The following IL3RA variants were observed in gnomAD, a reference collection of about 807,000 sequenced individuals.
IL3RA encodes the protein interleukin-3 receptor subunit alpha.
Under a neutral mutation model 52.3 loss-of-function variants are expected in IL3RA, and 73 were observed. That is an observed-to-expected ratio of 1.40 (90% confidence interval 1.16 to 1.70). The LOEUF (loss-of-function observed/expected upper bound fraction) is 1.70. IL3RA is among the 40% of genes most tolerant of loss of function. The pLI is 0.00. For missense variants in IL3RA, 664 were observed against 504.4 expected (o/e 1.32, Z -3.03); for synonymous variants, 260 against 194.0 (o/e 1.34, Z -2.83).
In IL3RA at chrX:1,348,526, G is replaced by C. The variant is rs1458270418; in HGVS notation, c.279G>C (p.Trp93Cys). 6 of 1,613,212 alleles carry C rather than the reference G, an allele frequency of 3.7e-6. No individual in the cohort carries two copies. Among genetic ancestry groups the C allele is most frequent in the South Asian group, 1.1e-5 (1 of 91,054 alleles). ...TGGCCAACCCACCATTCTCCACGTG[G>C]ATCCTCTTCCCTGAGAACAGTGAGA... ...VRVANPPFSTWILFPENSGKP... is the reference protein window; with the variant it reads ...VRVANPPFSTCILFPENSGKP... Residue 93 changes from tryptophan (W) to cysteine (C), a missense_variant, in exon 4 of 12, where the codon TGG becomes TGC. Coordinates refer to ENST00000331035, the MANE Select transcript of IL3RA (RefSeq NM_002183.4).
chrX:1,361,153 C>T (rs1172617544), intron 8 of IL3RA, among the ~76,000 whole-genome samples: 8 of 138,552 alleles, frequency 5.8e-5, no homozygotes, highest in Non-Finnish European at 1.1e-4. Context: ...CTCTCTCTCC[C>T]TTTCCTTCTC....
At chrX:1,342,493 T>A (rs1321216446) in intron 2 of IL3RA, among the ~76,000 whole-genome samples, 5 of 151,738 alleles carry the variant, frequency 3.3e-5, no homozygotes, top group Non-Finnish European at 7.4e-5. Flanking sequence ...TTACAGTCTA[T>A]TACTGCAGGG....
chrX:1,340,973 C>T (rs1371466872), intron 1 of IL3RA, among the ~76,000 whole-genome samples: 18 of 151,986 alleles, frequency 1.2e-4, no homozygotes, highest in Non-Finnish European at 2.1e-4. Flanking sequence ...AAAAATTAGC[C>T]GGACATGGTG....
chrX:1,361,753 G>C (rs1461696170), intron 8 of IL3RA, among the ~76,000 whole-genome samples: 8 of 58,886 alleles, frequency 1.4e-4, no homozygotes, highest in South Asian at 7.4e-4. Flanking sequence ...ACTCCGTCTC[G>C]AGAAAAAAAA....
At chrX:1,361,350 A>G (rs188885833) in intron 8 of IL3RA, among the ~76,000 whole-genome samples, 1 of 151,378 alleles carries the variant, frequency 6.6e-6, no homozygotes, top group African/African-American at 2.5e-5. Context: ...TTTATAAACA[A>G]AAGAGGGTTC....
intron 3 of IL3RA, 112 bp from the exon 4 acceptor site, chrX:1,348,319 C>T (rs2085867310): frequency 9.6e-6 from 8 of 833,336 alleles, no homozygotes; most frequent in African/African-American, 6.6e-5. Context: ...CGCCACTGCA[C>T]TCCAGCGTGG....
intron 8 of IL3RA, among the ~76,000 whole-genome samples, chrX:1,359,634 C>G (rs1407055863): frequency 6.7e-6 from 1 of 148,618 alleles, no homozygotes; most frequent in Non-Finnish European, 1.5e-5. Flanking sequence ...CCTTCCCTCT[C>G]TCTATCTTTC....
At chrX:1,349,220 CCA>C (rs1449201545) in intron 4 of IL3RA, among the ~76,000 whole-genome samples, 3 of 148,606 alleles carry the variant, frequency 2.0e-5, no homozygotes, top group Non-Finnish European at 4.4e-5. Flanking sequence ...CTCACTCTGT[CCA>C]CCAGGCTGGA....
chrX:1,376,696 G>GC (rs2088760678), intron 9 of IL3RA, among the ~76,000 whole-genome samples: 1 of 143,514 alleles, frequency 7.0e-6, no homozygotes, highest in African/African-American at 2.7e-5. Context: ...AACCAGCCCT[G>GC]CCCACACCTG....
At position 1,381,466 on chromosome X, in the gene IL3RA, G is replaced by T. The variant is rs191637625; in HGVS notation, c.1062+362G>T. On this transcript the variant is annotated intron_variant, in intron 11 of 11. Transcript: ENST00000331035. The stretch of plus-strand genomic sequence containing the variant: ...GGAAAAGCTGCAGGATGAAGGGAGT[G>T]GGGGGACACTGGGCTCCCAGCCCAC... Among the ~76,000 whole-genome samples, 21 of 152,204 alleles carry T rather than the reference G, an allele frequency of 1.4e-4. No individual in the cohort carries two copies. The South Asian group carries it at 2.1e-3, about 15-fold the overall frequency.
chrX:1,345,607 A>G (rs375156155), intron 3 of IL3RA, among the ~76,000 whole-genome samples, 173 bp downstream of exon 3: 3 of 151,668 alleles, frequency 2.0e-5, no homozygotes, highest in East Asian at 1.9e-4. Flanking sequence ...CTCCTGCCTC[A>G]ACCTCCCGAG....
intron 4 of IL3RA, among the ~76,000 whole-genome samples, chrX:1,348,994 C>T (rs1247890577): frequency 6.7e-6 from 1 of 149,250 alleles, no homozygotes; most frequent in African/African-American, 2.5e-5. Flanking sequence ...TTTCCCCCTC[C>T]CCTCCCTTCC....
chrX:1,340,588 T>C (rs1261323813), intron 1 of IL3RA, among the ~76,000 whole-genome samples: 1 of 152,216 alleles, frequency 6.6e-6, no homozygotes, highest in African/African-American at 2.4e-5. Flanking sequence ...GCATGTATAT[T>C]TGTGTATGCA....
intron 9 of IL3RA, among the ~76,000 whole-genome samples, chrX:1,373,814 C>G (rs1331648962): frequency 1.5e-5 from 1 of 67,456 alleles, no homozygotes; most frequent in Non-Finnish European, 2.5e-5. Context: ...GACACAGACA[C>G]ACACGGAGGA....
intron 8 of IL3RA, among the ~76,000 whole-genome samples, chrX:1,362,926 C>G (rs184618967): frequency 4.6e-5 from 7 of 152,034 alleles, no homozygotes; most frequent in Non-Finnish European, 1.0e-4. Flanking sequence ...CAGGTGCACA[C>G]CACCACGCCT....
chrX:1,357,816 TAA>T, intron 7 of IL3RA, among the ~76,000 whole-genome samples: 1 of 149,152 alleles, frequency 6.7e-6, no homozygotes, highest in Non-Finnish European at 1.5e-5. Context: ...TTTAAGAAAA[TAA>T]ATGGCTGGGT....
intron 2 of IL3RA, 34 bp downstream of exon 2, chrX:1,341,863 G>A (rs772326097): frequency 1.2e-6 from 2 of 1,602,020 alleles, no homozygotes; most frequent in South Asian, 1.1e-5. Flanking sequence ...CGTGCCACCT[G>A]GGGAGCGGTG....
intron 6 of IL3RA, among the ~76,000 whole-genome samples, chrX:1,355,695 G>A (rs1467954153): frequency 6.6e-6 from 1 of 151,962 alleles, no homozygotes; most frequent in Non-Finnish European, 1.5e-5. Context: ...GGGCCAGGAA[G>A]TGGAAGCTTC....
Position 1,382,641 on chromosome X carries a change from A to T in IL3RA, c.*176A>T. 1.6e-6 allele frequency: 1 copy of T among 643,342 alleles called. No homozygotes were observed. The highest frequency in any genetic ancestry group is 2.8e-5 in the Admixed American group (1 of 35,246). The allele number at this position is 643,342 out of a possible 1,614,324, so 39.9% of individuals were successfully genotyped here. On this transcript the variant is annotated 3_prime_UTR_variant, in exon 12 of 12. Coordinates refer to ENST00000331035, the MANE Select transcript of IL3RA (RefSeq NM_002183.4). Reference sequence around the variant, plus strand: ...CGAAGCTGCCAGGAAGAAGAACAGAACTTTGTGTGTTTATTTCATGATAAA... The same window carrying T: ...CGAAGCTGCCAGGAAGAAGAACAGATCTTTGTGTGTTTATTTCATGATAAA...
Sources: allele counts gnomAD v4.1 joint callset (sites outside exome capture counted in the v4.1 genomes callset), GRCh38; gene constraint gnomAD v4.1.1; transcripts MANE v1.5; gene names NCBI Gene and HGNC (gene_info 2026-07-23, HGNC 2026-07-21).